ABCA4: variants seen among roughly 807,000 people sequenced by gnomAD.
The protein encoded by ABCA4 is ATP binding cassette subfamily A member 4.
In ABCA4, 196 loss-of-function variants were observed where a neutral mutation model predicts 263.7. The observed-to-expected ratio is 0.74, with a 90% confidence interval of 0.66 to 0.84. ABCA4 has a LOEUF of 0.84. Ranked by LOEUF, ABCA4 falls within the 40% of genes least tolerant of loss-of-function variation. The pLI, the probability that ABCA4 is intolerant of heterozygous loss-of-function variation, is 0.00. For missense variants in ABCA4, 2,792 were observed against 2,855.1 expected, an observed-to-expected ratio of 0.98 and a Z score of 0.50; for synonymous variants, 1,133 against 1,094.2, an observed-to-expected ratio of 1.04 and a Z score of -0.70.
chr1:94,004,448 A>G (rs538281450), intron 44 of ABCA4, among the ~76,000 whole-genome samples: 14 of 152,248 alleles, frequency 9.2e-5, no homozygotes, highest in Non-Finnish European at 1.3e-4. Flanking sequence ...TATAAAAAAC[A>G]AACTAAAAAG....
chr1:94,029,588 C>A lies in ABCA4; in HGVS notation c.4396G>T (p.Val1466Leu), dbSNP rs1315143020. 6.2e-7 allele frequency: 1 copy of A among 1,613,932 alleles called. No individual in the cohort carries two copies. The highest frequency in any genetic ancestry group is 1.7e-5 in the Admixed American group (1 of 59,978). ...GNSTPWKTPS[V>L]SPNITQLFQK... is the part of the protein sequence containing the mutation. The stretch of plus-strand genomic sequence containing the variant: ...AACAGCTGGGTGATGTTTGGGGACA[C>A]AGAAGGAGTCTTCCAGGGTGTTGAG... The change falls in exon 30 of 50, where the codon GTG becomes TTG. Residue 1466 changes from valine (V) to leucine (L), a missense_variant. By Grantham distance (32) the Val-to-Leu change is conservative (BLOSUM62 1). Transcript: ENST00000370225.
intron 26 of ABCA4, among the ~76,000 whole-genome samples, chr1:94,033,408 A>C (rs1660256558): frequency 6.9e-6 from 1 of 145,234 alleles, no homozygotes; most frequent in Non-Finnish European, 1.5e-5. Context: ...TGGGTGACAG[A>C]GCAAAACTCT....
At chr1:94,020,135 C>G (rs971328450) in intron 35 of ABCA4, among the ~76,000 whole-genome samples, 2 of 152,130 alleles carry the variant, frequency 1.3e-5, no homozygotes, top group East Asian at 1.9e-4. Context: ...GACAGACATA[C>G]GGTCTGTGAG....
intron 4 of ABCA4, among the ~76,000 whole-genome samples, chr1:94,105,565 C>A (rs762777817): frequency 7.1e-6 from 1 of 141,780 alleles, no homozygotes; most frequent in South Asian, 2.4e-4. Flanking sequence ...AAATAAATTT[C>A]GTTTAAAATG....
At chr1:94,078,400 T>G (rs1661594085) in intron 10 of ABCA4, among the ~76,000 whole-genome samples, 190 bp downstream of exon 10, 3 of 152,160 alleles carry the variant, frequency 2.0e-5, no homozygotes, top group Non-Finnish European at 4.4e-5. Context: ...TCAAGAAACA[T>G]ATTTCTCATC....
At chr1:93,995,132 C>A (rs1406313022) in intron 49 of ABCA4, among the ~76,000 whole-genome samples, 1 of 152,124 alleles carries the variant, frequency 6.6e-6, no homozygotes, top group Non-Finnish European at 1.5e-5. Context: ...GGCCCTCTGG[C>A]AGGTAAGGGG....
chr1:93,997,720 C>T (rs1298049402), intron 48 of ABCA4, 141 bp downstream of exon 48: 1 of 1,072,730 alleles, frequency 9.3e-7, no homozygotes, highest in African/African-American at 1.6e-5. Flanking sequence ...TCTGATATAT[C>T]AGCTTTTACC....
chr1:94,039,070 A>T (rs992772814), intron 24 of ABCA4, among the ~76,000 whole-genome samples: 21 of 152,236 alleles, frequency 1.4e-4, no homozygotes, highest in African/African-American at 2.7e-4. Flanking sequence ...TTTAAAACAA[A>T]TATAAACTTC....
intron 40 of ABCA4, 26 bp from the exon 41 acceptor site, chr1:94,008,897 TG>T: frequency 6.2e-7 from 1 of 1,609,282 alleles, no homozygotes; most frequent in South Asian, 1.1e-5. Flanking sequence ...GGGTCAGGAT[TG>T]GGCTGGCTGT....
chr1:94,073,871 C>T (rs1661469757), intron 11 of ABCA4, among the ~76,000 whole-genome samples: 1 of 152,148 alleles, frequency 6.6e-6, no homozygotes, highest in Non-Finnish European at 1.5e-5. Flanking sequence ...GAACTCCATG[C>T]TGCACAAATG....
intron 1 of ABCA4, among the ~76,000 whole-genome samples, chr1:94,119,464 G>A (rs1290351528): frequency 1.3e-5 from 2 of 152,126 alleles, no homozygotes; most frequent in Non-Finnish European, 2.9e-5. Context: ...TTTTATGCTG[G>A]TTGTTAAGCT....
chr1:94,088,220 T>C (rs1661883153), intron 6 of ABCA4, among the ~76,000 whole-genome samples: 1 of 152,198 alleles, frequency 6.6e-6, no homozygotes, highest in Admixed American at 6.5e-5. Context: ...CTCAACATTT[T>C]GATCATGTCC....
chr1:94,118,575 T>C (rs1662863774), intron 1 of ABCA4, among the ~76,000 whole-genome samples: 1 of 152,164 alleles, frequency 6.6e-6, no homozygotes, highest in Non-Finnish European at 1.5e-5. Context: ...TACCCAGACA[T>C]CCTGGAAGCT....
intron 49 of ABCA4, among the ~76,000 whole-genome samples, chr1:93,994,384 A>ATATC (rs1375207892): frequency 6.6e-6 from 1 of 152,230 alleles, no homozygotes; most frequent in Non-Finnish European, 1.5e-5. Flanking sequence ...TTCTAGAGAA[A>ATATC]TATCTGTGTG....
chr1:94,111,955 G>A (rs988141990), intron 2 of ABCA4, among the ~76,000 whole-genome samples: 2 of 152,202 alleles, frequency 1.3e-5, no homozygotes, highest in African/African-American at 4.8e-5. Flanking sequence ...CTTCAACCAC[G>A]GTGAACTGAG....
chr1:94,026,525 T>C (rs1184001823), intron 30 of ABCA4, among the ~76,000 whole-genome samples: 1 of 152,238 alleles, frequency 6.6e-6, no homozygotes, highest in Admixed American at 6.5e-5. Context: ...TCCTCCTTGC[T>C]CTTTTCACTG....
chr1:94,040,222 T>G lies in ABCA4; in HGVS notation c.3523-95A>C, dbSNP rs1660452464. On this transcript the variant is annotated intron_variant, in intron 23 of 49. Coordinates refer to ENST00000370225, the MANE Select transcript of ABCA4 (RefSeq NM_000350.3). ...CTGCTGTCACCGCCCGCTTTATTTA[T>G]TTCTCACTGCCAAGTGTAGTCAACA... The G allele has an allele frequency of 3.1e-6, 3 of 977,698 alleles. No individual in the cohort carries two copies. The South Asian group carries it at 4.2e-5, about 14-fold the overall frequency. The allele number at this position is 977,698 out of a possible 1,614,324, so 60.6% of individuals were successfully genotyped here. A position where few individuals can be genotyped will look rare whatever the true frequency, so the allele number is the denominator to read the frequency against.
intron 30 of ABCA4, among the ~76,000 whole-genome samples, chr1:94,027,299 G>A (rs1227488865): frequency 2.0e-5 from 3 of 152,208 alleles, no homozygotes; most frequent in Non-Finnish European, 4.4e-5. Context: ...CAGACCGCGT[G>A]GAAGTAAGGG....
Position 94,019,575 on chromosome 1 carries a change from C to T in ABCA4, c.5196+7G>A. ...AGGGGAGGGAGGCGCTGTAAACTGA[C>T]ACTTACGATGTCCCAGAGGAAGTTG... On this transcript the variant is annotated splice_region_variant and intron_variant, in intron 36 of 49. Coordinates refer to ENST00000370225, the MANE Select transcript of ABCA4 (RefSeq NM_000350.3). The T allele has an allele frequency of 1.3e-6, 2 of 1,598,702 alleles. No individual in the cohort carries two copies. The highest frequency in any genetic ancestry group is 1.7e-6 in the Non-Finnish European group (2 of 1,172,104).
Sources: gnomAD v4.1 joint callset for allele counts (sites outside exome capture counted in the v4.1 genomes callset) on GRCh38, gnomAD v4.1.1 for gene constraint, MANE v1.5 for transcripts, NCBI Gene and HGNC (gene_info 2026-07-23, HGNC 2026-07-21) for gene names.